FGF14: variants seen among roughly 807,000 people sequenced by gnomAD.
The protein encoded by FGF14 is fibroblast growth factor 14, also known as fibroblast growth factor homologous factor 4.
A neutral mutation model predicts 25.5 loss-of-function variants in FGF14; 5 were observed. The ratio of observed to expected loss-of-function variants is 0.20; its 90% CI spans 0.10 to 0.41. The LOEUF (loss-of-function observed/expected upper bound fraction) is 0.41, where lower values mean the gene tolerates loss of function less well. Among genes scored for constraint, FGF14 ranks in the 10% least tolerant of loss-of-function variants. FGF14 has a pLI of 1.00. For synonymous variants in FGF14, 138 were observed against 118.3 expected (o/e 1.17, Z -1.08); for missense variants, 222 against 320.1 (o/e 0.69, Z 2.34).
chr13:102,349,729 T>C (rs2057218291), intron 1 of FGF14, among the ~76,000 whole-genome samples: 1 of 152,240 alleles, frequency 6.6e-6, no homozygotes, highest in South Asian at 2.1e-4. Flanking sequence ...TTTGATTCCT[T>C]GGTTTTACCT....
intron 3 of FGF14, among the ~76,000 whole-genome samples, chr13:101,830,744 G>A (rs2042630456): frequency 6.6e-6 from 1 of 151,994 alleles, no homozygotes; most frequent in Non-Finnish European, 1.5e-5. Flanking sequence ...TTACAGTTTT[G>A]CAGATGAGAA....
chr13:101,743,365 A>C (rs994395379), intron 3 of FGF14, among the ~76,000 whole-genome samples: 8 of 152,208 alleles, frequency 5.3e-5, no homozygotes, highest in Admixed American at 5.2e-4. Context: ...CCAATTGTGG[A>C]ATTCTACAAA....
At chr13:102,196,547 T>C (rs1328436403) in intron 1 of FGF14, among the ~76,000 whole-genome samples, 1 of 152,202 alleles carries the variant, frequency 6.6e-6, no homozygotes, top group Non-Finnish European at 1.5e-5. Context: ...TTAAAATTTT[T>C]ATTTTATTTT....
At chr13:101,949,314 T>G (rs904927328) in intron 1 of FGF14, among the ~76,000 whole-genome samples, 14 of 152,132 alleles carry the variant, frequency 9.2e-5, no homozygotes, top group African/African-American at 3.4e-4. Context: ...CACTGCCCAG[T>G]GTGGACTTCC....
At chr13:102,059,621 C>A (rs2042586809) in intron 1 of FGF14, among the ~76,000 whole-genome samples, 1 of 152,236 alleles carries the variant, frequency 6.6e-6, no homozygotes. Flanking sequence ...GAGGCCGAGG[C>A]GGGTGGATCA....
In FGF14 at chr13:101,711,618, G is replaced by C. The variant is rs1413697423; in HGVS notation, c.*11213C>G. On this transcript the variant is annotated 3_prime_UTR_variant, in exon 5 of 5. Coordinates refer to ENST00000376143, the MANE Select transcript of FGF14 (RefSeq NM_004115.4). Reference sequence around the variant, plus strand: ...ATCAGAGTGAAGTCTTCAGTTAACTGTTTGTTTATTGCCTGTGAGGTCCAG... The same window carrying C: ...ATCAGAGTGAAGTCTTCAGTTAACTCTTTGTTTATTGCCTGTGAGGTCCAG... 1 of 152,162 alleles carries C rather than the reference G, an allele frequency of 6.6e-6. No individual in the cohort carries two copies. The highest frequency in any genetic ancestry group is 1.5e-5 in the Non-Finnish European group (1 of 68,042). The allele number at this position is 152,162 out of a possible 1,614,324, so 9.4% of individuals were successfully genotyped here.
At chr13:101,955,339 A>G (rs906765293) in intron 1 of FGF14, among the ~76,000 whole-genome samples, 8 of 152,236 alleles carry the variant, frequency 5.3e-5, no homozygotes, top group South Asian at 2.1e-4. Context: ...AATGATTCTC[A>G]CAACCAGCAG....
At chr13:102,155,240 C>T (rs1341065367) in intron 1 of FGF14, among the ~76,000 whole-genome samples, 1 of 152,126 alleles carries the variant, frequency 6.6e-6, no homozygotes, top group Non-Finnish European at 1.5e-5. Context: ...ACACCTATTC[C>T]AAAATTGACC....
intron 3 of FGF14, among the ~76,000 whole-genome samples, chr13:101,832,532 G>C (rs1015157751): frequency 6.6e-6 from 1 of 152,008 alleles, no homozygotes; most frequent in Non-Finnish European, 1.5e-5. Flanking sequence ...AGATCAGCTG[G>C]ACTTGATAGA....
chr13:101,844,798 C>T (rs184475342), intron 3 of FGF14, among the ~76,000 whole-genome samples: 11 of 152,100 alleles, frequency 7.2e-5, no homozygotes, highest in East Asian at 3.9e-4. Context: ...TGCTTGAACA[C>T]GCATACCTTG....
At chr13:101,864,726 C>T (rs943247717) in intron 3 of FGF14, among the ~76,000 whole-genome samples, 1 of 152,132 alleles carries the variant, frequency 6.6e-6, no homozygotes, top group Non-Finnish European at 1.5e-5. Context: ...CAGGAGAACA[C>T]TGGCACTTAC....
chr13:102,370,538 A>G lies in FGF14; in HGVS notation c.208+30933T>C, dbSNP rs2057848642. On this transcript the variant is annotated intron_variant, in intron 1 of 4. Transcript: ENST00000376131. ...GTAGCTGGGATTATATGCATACACCACCACACCTGGCCATGATTATATTTT... is the reference window on the plus strand; with the variant it reads ...GTAGCTGGGATTATATGCATACACCGCCACACCTGGCCATGATTATATTTT... Among the ~76,000 whole-genome samples, 3 of 152,078 alleles carry G rather than the reference A, an allele frequency of 2.0e-5. No individual in the cohort carries two copies. In the South Asian group the frequency reaches 6.2e-4, roughly 32 times the overall value.
chr13:102,355,638 G>A lies in FGF14; in HGVS notation c.208+45833C>T, dbSNP rs186042058. Among the ~76,000 whole-genome samples, 42 of 150,758 alleles carry A rather than the reference G, an allele frequency of 2.8e-4. 1 individual carries two copies. The East Asian group carries it at 8.2e-3, about 29-fold the overall frequency. On this transcript the variant is annotated intron_variant, in intron 1 of 4. Transcript: ENST00000376131. ...TCCCATGAATTCATACAAGCATGAG[G>A]TATTCTGTAGAAGGAACAGAATTTT... is the stretch of plus-strand genomic sequence containing the variant.
chr13:101,762,384 A>G (rs1566868839), intron 3 of FGF14, among the ~76,000 whole-genome samples: 1 of 152,224 alleles, frequency 6.6e-6, no homozygotes, highest in Non-Finnish European at 1.5e-5. Context: ...TAAGATTCTA[A>G]ACAAGAAACT....
chr13:101,975,459 A>C (rs1476097736), intron 1 of FGF14, among the ~76,000 whole-genome samples: 1 of 152,018 alleles, frequency 6.6e-6, no homozygotes, highest in Non-Finnish European at 1.5e-5. Flanking sequence ...TCTTGTTCTC[A>C]TCAACTCTCA....
intron 1 of FGF14, among the ~76,000 whole-genome samples, chr13:102,352,383 T>TG (rs1230092599): frequency 1.3e-5 from 2 of 151,616 alleles, no homozygotes; most frequent in East Asian, 3.9e-4. Context: ...GAGGAAAACA[T>TG]GGGGGGAATT....
chr13:101,924,481 G>A (rs2034227262), intron 1 of FGF14, among the ~76,000 whole-genome samples: 1 of 152,058 alleles, frequency 6.6e-6, no homozygotes, highest in Non-Finnish European at 1.5e-5. Flanking sequence ...CCCAGTTCAT[G>A]CCTCCTAGTA....
At chr13:102,397,365 C>G (rs2058609501) in intron 1 of FGF14, among the ~76,000 whole-genome samples, 1 of 152,174 alleles carries the variant, frequency 6.6e-6, no homozygotes, top group Non-Finnish European at 1.5e-5. Flanking sequence ...TGGGTCCTAC[C>G]AAGCCCTGCA....
intron 1 of FGF14, among the ~76,000 whole-genome samples, chr13:102,129,833 T>TA (rs994996749): frequency 4.0e-5 from 6 of 150,894 alleles, no homozygotes; most frequent in Non-Finnish European, 8.9e-5. Context: ...AGTATAATAA[T>TA]AAAAAAAAAG....
Sources: gnomAD v4.1 joint callset for allele counts (sites outside exome capture counted in the v4.1 genomes callset) on GRCh38, gnomAD v4.1.1 for gene constraint, MANE v1.5 for transcripts, NCBI Gene and HGNC (gene_info 2026-07-23, HGNC 2026-07-21) for gene names.